LTBP1: variants seen among roughly 807,000 people sequenced by gnomAD.
LTBP1 encodes the protein latent transforming growth factor beta binding protein 1.
Under a neutral mutation model 207.6 loss-of-function variants are expected in LTBP1, and 129 were observed. The observed-to-expected ratio is 0.62, with a 90% CI of 0.54 to 0.72. The LOEUF (loss-of-function observed/expected upper bound fraction) is 0.72. Among genes scored for constraint, LTBP1 ranks in the 30% least tolerant of loss-of-function variants. LTBP1 has a pLI of 0.00. For missense variants in LTBP1, 2,281 were observed against 2,217.2 expected (o/e 1.03, Z -0.58); for synonymous variants, 963 against 833.7 (o/e 1.16, Z -2.67).
chr2:33,182,320 T>C (rs2086721200), intron 5 of LTBP1, among the ~76,000 whole-genome samples: 1 of 152,054 alleles, frequency 6.6e-6, no homozygotes, highest in Non-Finnish European at 1.5e-5. Flanking sequence ...ACTGCTGATA[T>C]TGGGAATACC....
chr2:33,208,846 C>T (rs773196861), intron 7 of LTBP1, among the ~76,000 whole-genome samples: 44 of 147,434 alleles, frequency 3.0e-4, no homozygotes, highest in Non-Finnish European at 5.2e-4. Flanking sequence ...ATTTTAGTGT[C>T]TAGTCCAGTC....
At chr2:32,955,326 C>T (rs1318131674) in intron 2 of LTBP1, among the ~76,000 whole-genome samples, 1 of 152,184 alleles carries the variant, frequency 6.6e-6, no homozygotes, top group African/African-American at 2.4e-5. Flanking sequence ...GTTTTTACAT[C>T]CAGTTTTTCT....
intron 13 of LTBP1, 46 bp from the exon 14 acceptor site, chr2:33,262,676 C>A: frequency 1.0e-6 from 1 of 988,140 alleles, no homozygotes; most frequent in Non-Finnish European, 1.5e-6. Context: ...TTTCCACTTT[C>A]AATTCTTTTT....
At chr2:33,164,069 G>A (rs114234482) in intron 5 of LTBP1, among the ~76,000 whole-genome samples, 2,280 of 151,886 alleles carry the variant, frequency 0.015, 23 homozygotes, top group East Asian at 0.027. Flanking sequence ...AAGAATAATG[G>A]GCCGGGTGCA....
At chr2:33,026,176 G>A (rs549992909) in intron 3 of LTBP1, among the ~76,000 whole-genome samples, 1 of 152,162 alleles carries the variant, frequency 6.6e-6, no homozygotes, top group Non-Finnish European at 1.5e-5. Context: ...AGGATCCAAG[G>A]AATTGGTCAG....
chr2:33,060,287 A>G (rs1181958959), intron 3 of LTBP1, among the ~76,000 whole-genome samples: 1 of 152,170 alleles, frequency 6.6e-6, no homozygotes, highest in South Asian at 2.1e-4. Flanking sequence ...CAGTTGTGTT[A>G]TGGATCCTTT....
intron 3 of LTBP1, among the ~76,000 whole-genome samples, chr2:33,034,930 G>A (rs2075848700): frequency 6.6e-6 from 1 of 152,158 alleles, no homozygotes; most frequent in South Asian, 2.1e-4. Context: ...GCTTTTCAAT[G>A]TTCTTCAGTT....
At chr2:33,127,521 A>T (rs552353131) in intron 4 of LTBP1, among the ~76,000 whole-genome samples, 4 of 151,096 alleles carry the variant, frequency 2.6e-5, no homozygotes, top group East Asian at 1.9e-4. Context: ...TTCATTTCCA[A>T]CCCCCGTATT....
chr2:33,181,117 G>C (rs1265680358), intron 5 of LTBP1, among the ~76,000 whole-genome samples: 1 of 152,184 alleles, frequency 6.6e-6, no homozygotes, highest in Admixed American at 6.5e-5. Context: ...GCCAGGGAGC[G>C]GGTGGAGTGG....
At chr2:33,199,512 A>C (rs1183287528) in intron 7 of LTBP1, among the ~76,000 whole-genome samples, 2 of 152,186 alleles carry the variant, frequency 1.3e-5, no homozygotes, top group Non-Finnish European at 2.9e-5. Context: ...ACCCACAGCC[A>C]ATATCATACT....
intron 4 of LTBP1, among the ~76,000 whole-genome samples, chr2:33,130,261 C>T (rs775603981): frequency 7.9e-5 from 12 of 152,220 alleles, no homozygotes; most frequent in Admixed American, 7.2e-4. Flanking sequence ...CTCTTTAAAC[C>T]GGGTGGTGGC....
At chr2:33,363,287 ATAT>A in intron 28 of LTBP1, 100 bp from the exon 29 acceptor site, 1 of 1,135,902 alleles carries the variant, frequency 8.8e-7, no homozygotes, top group Non-Finnish European at 1.2e-6. Context: ...TGGAATGTAA[ATAT>A]TATAATATCT....
At chr2:32,959,597 G>GTGTGTA (rs1558438315) in intron 2 of LTBP1, among the ~76,000 whole-genome samples, 3 of 58,340 alleles carry the variant, frequency 5.1e-5, no homozygotes, top group African/African-American at 1.8e-4. Context: ...ATATGTACGT[G>GTGTGTA]TATATATATA....
intron 2 of LTBP1, among the ~76,000 whole-genome samples, chr2:33,009,935 T>G (rs1479098942): frequency 6.6e-6 from 1 of 152,148 alleles, no homozygotes; most frequent in Non-Finnish European, 1.5e-5. Flanking sequence ...AGGCCAGACA[T>G]CTAAGTTCGG....
intron 26 of LTBP1, among the ~76,000 whole-genome samples, chr2:33,352,706 A>G (rs976855700): frequency 3.3e-5 from 5 of 152,198 alleles, no homozygotes; most frequent in Non-Finnish European, 5.9e-5. Flanking sequence ...TTTTCAAAAC[A>G]TAGATATCGG....
rs1469441341 is a variant in LTBP1 at position 33,217,587 on chromosome 2, G to A, written c.1737G>A (p.Glu579=). 1.2e-6 allele frequency: 2 copies of A among 1,613,914 alleles called. No homozygotes were observed. The highest frequency in any genetic ancestry group is 1.7e-6 in the Non-Finnish European group (2 of 1,179,866). Reference sequence around the variant, plus strand: ...CGCTCCCTGGCCTTTCAAAGCAAGAGGACTGCTGTGGAACTGTGGGTACCT... The same window carrying A: ...CGCTCCCTGGCCTTTCAAAGCAAGAAGACTGCTGTGGAACTGTGGGTACCT... The part of the protein sequence containing the change: ...GKALPGLSKQ[E]DCCGTVGTSW... Residue 579 remains glutamate, a synonymous_variant, in exon 8 of 34, where the codon GAG becomes GAA. Transcript: ENST00000404816.
chr2:33,198,529 G>A (rs1243306103), intron 7 of LTBP1, among the ~76,000 whole-genome samples: 2 of 152,104 alleles, frequency 1.3e-5, no homozygotes, highest in African/African-American at 2.4e-5. Flanking sequence ...ATCTGGTCCT[G>A]GACTCTTTTT....
chr2:33,084,644 A>G (rs1572558988), intron 3 of LTBP1, among the ~76,000 whole-genome samples: 1 of 152,192 alleles, frequency 6.6e-6, no homozygotes, highest in African/African-American at 2.4e-5. Flanking sequence ...ACCACCATTG[A>G]CAAGAGTTTC....
chr2:33,052,003 G>A (rs368951131), intron 3 of LTBP1, among the ~76,000 whole-genome samples: 2 of 152,344 alleles, frequency 1.3e-5, no homozygotes, highest in East Asian at 3.8e-4. Flanking sequence ...GCAAAGCTGG[G>A]AGTCAGCATT....
Sources: gnomAD v4.1 joint callset for allele counts (sites outside exome capture counted in the v4.1 genomes callset) on GRCh38, gnomAD v4.1.1 for gene constraint, MANE v1.5 for transcripts, NCBI Gene and HGNC (gene_info 2026-07-23, HGNC 2026-07-21) for gene names.